MCC: variants seen among roughly 807,000 people sequenced by gnomAD.
MCC encodes the protein MCC regulator of Wnt signaling pathway.
Under a neutral mutation model 116.2 loss-of-function variants are expected in MCC, and 90 were observed. The ratio of observed to expected loss-of-function variants is 0.77; its 90% CI spans 0.65 to 0.92. The LOEUF (loss-of-function observed/expected upper bound fraction) is 0.92. Ranked by LOEUF, MCC falls within the 40% of genes least tolerant of loss-of-function variation. The pLI is 0.00. For missense variants in MCC, 1,516 were observed against 1,312.2 expected (o/e 1.16, Z -2.40); for synonymous variants, 578 against 510.5 (o/e 1.13, Z -1.78).
At chr5:113,132,447 C>CATATATAT (rs1201460802) in intron 5 of MCC, among the ~76,000 whole-genome samples, 1 of 27,618 alleles carries the variant, frequency 3.6e-5, no homozygotes, top group East Asian at 1.5e-3. Context: ...TATATATACA[C>CATATATAT]ACACACACAC....
At chr5:113,136,440 G>A (rs531291164) in intron 5 of MCC, among the ~76,000 whole-genome samples, 1 of 152,192 alleles carries the variant, frequency 6.6e-6, no homozygotes, top group Non-Finnish European at 1.5e-5. Context: ...CCTATAGGTA[G>A]AATTACTTGG....
intron 1 of MCC, among the ~76,000 whole-genome samples, chr5:113,479,537 A>G (rs1334921027): frequency 3.3e-5 from 5 of 150,964 alleles, no homozygotes; most frequent in African/African-American, 4.9e-5. Context: ...GTGAATGTTC[A>G]TAACGCCAAT....
chr5:113,466,108 A>G lies in MCC; in HGVS notation c.170+22137T>C, dbSNP rs115844130. Reference sequence around the variant, plus strand: ...ACAGTGTGAGCCATAGCTAGAGTCAATCTGGCTGGAAGCAAAGAAAGAGGC... The same window carrying G: ...ACAGTGTGAGCCATAGCTAGAGTCAGTCTGGCTGGAAGCAAAGAAAGAGGC... On this transcript the variant is annotated intron_variant, in intron 1 of 18. Coordinates refer to ENST00000408903, the MANE Select transcript of MCC (RefSeq NM_001085377.2). 3.5e-3 allele frequency among the ~76,000 whole-genome samples: 535 copies of G among 152,170 alleles called. 4 individuals carry two copies. The highest frequency in any genetic ancestry group is 0.012 in the African/African-American group (512 of 41,506).
At chr5:113,400,384 A>T (rs1219899504) in intron 1 of MCC, among the ~76,000 whole-genome samples, 1 of 151,788 alleles carries the variant, frequency 6.6e-6, no homozygotes, top group Non-Finnish European at 1.5e-5. Context: ...CGGCCTCCCA[A>T]AGTGCTGGGA....
rs80307769 is a variant in MCC, at chr5:113,429,767, T to C, written c.171-44555A>G. 8.3e-3 allele frequency among the ~76,000 whole-genome samples: 1,261 copies of C among 152,230 alleles called. 19 individuals are homozygous for C. Among genetic ancestry groups the C allele is most frequent in the African/African-American group, 0.029 (1,210 of 41,534 alleles). On this transcript the variant is annotated intron_variant, in intron 1 of 18. Coordinates refer to ENST00000408903, the MANE Select transcript of MCC (RefSeq NM_001085377.2). ...CCAGAGAAATTCTGAGGGCACTTCATATAGTGAGGAGAATTTGGAAATAAG... is the reference window on the plus strand; with the variant it reads ...CCAGAGAAATTCTGAGGGCACTTCACATAGTGAGGAGAATTTGGAAATAAG...
At chr5:113,039,895 C>T (rs1751582474) in intron 17 of MCC, among the ~76,000 whole-genome samples, 1 of 152,136 alleles carries the variant, frequency 6.6e-6, no homozygotes, top group Non-Finnish European at 1.5e-5. Flanking sequence ...CCTTATTTAG[C>T]TGCCTTTTTA....
intron 6 of MCC, among the ~76,000 whole-genome samples, chr5:113,113,290 G>T (rs190659187): frequency 3.2e-3 from 485 of 152,320 alleles, no homozygotes; most frequent in Middle Eastern, 0.014. Context: ...GAGGGCTGTT[G>T]CTTTCTTTTG....
intron 1 of MCC, among the ~76,000 whole-genome samples, chr5:113,449,788 C>A (rs746224956): frequency 2.6e-5 from 4 of 152,108 alleles, no homozygotes; most frequent in Non-Finnish European, 1.5e-5. Flanking sequence ...TCTCTTCGGG[C>A]ACATTTGTCT....
At chr5:113,410,325 T>A (rs1580342665) in intron 1 of MCC, among the ~76,000 whole-genome samples, 1 of 152,234 alleles carries the variant, frequency 6.6e-6, no homozygotes. Context: ...ATCCACAAGG[T>A]ATCCACTATA....
At chr5:113,468,260 A>C (rs1264730995) in intron 1 of MCC, among the ~76,000 whole-genome samples, 1 of 151,996 alleles carries the variant, frequency 6.6e-6, no homozygotes, top group Non-Finnish European at 1.5e-5. Flanking sequence ...GTCTTGTGCC[A>C]GTTTTCAAAG....
At chr5:113,459,633 T>G (rs1205914023) in intron 1 of MCC, among the ~76,000 whole-genome samples, 1 of 152,164 alleles carries the variant, frequency 6.6e-6, no homozygotes. Context: ...GCAATCCTGA[T>G]GGAAGGACCT....
chr5:113,434,235 A>C lies in MCC; in HGVS notation c.171-49023T>G. ...GACCATGATGTAGAGGATCACGCCT[A>C]GGCTCCAGATGTCGTACACCTTGGG... On this transcript the variant is annotated intron_variant, in intron 1 of 18. Coordinates refer to ENST00000408903, the MANE Select transcript of MCC (RefSeq NM_001085377.2). This position sits in a 1 kb window ranked among gnomAD's most constrained non-coding sequence, Gnocchi z 4.2. 6.2e-7 allele frequency: 1 copy of C among 1,614,078 alleles called. No homozygotes were observed. Among genetic ancestry groups the C allele is most frequent in the Non-Finnish European group, 8.5e-7 (1 of 1,179,958 alleles).
chr5:113,385,117 G>T lies in MCC; in HGVS notation c.266C>A (p.Ser89Tyr). The T allele has an allele frequency of 6.2e-7, 1 of 1,614,112 alleles. No homozygotes were observed. The highest frequency in any genetic ancestry group is 8.5e-7 in the Non-Finnish European group (1 of 1,180,020). ...GCGGCATCTTGTGAAATCCTGAAAG[G>T]AAATCTTCCCATTTTCATCTGCTCC... ...QLGADENGKI[S>Y]FQDFTRCRMQ... The change falls in exon 2 of 19, where the codon TCC becomes TAC. Residue 89 changes from serine to tyrosine, a missense_variant. By Grantham distance (144) the Ser-to-Tyr change is moderately radical. Coordinates refer to ENST00000408903, the MANE Select transcript of MCC (RefSeq NM_001085377.2).
intron 1 of MCC, among the ~76,000 whole-genome samples, chr5:113,453,797 T>A (rs1273559327): frequency 6.6e-6 from 1 of 152,172 alleles, no homozygotes; most frequent in African/African-American, 2.4e-5. Context: ...GTTTAAAAAA[T>A]GTACTCATAG....
intron 17 of MCC, among the ~76,000 whole-genome samples, chr5:113,029,917 A>G (rs1374588169): frequency 1.3e-5 from 2 of 152,224 alleles, no homozygotes; most frequent in Non-Finnish European, 2.9e-5. Context: ...GTTGGGTTCT[A>G]GAGTGGCAAG....
intron 1 of MCC, among the ~76,000 whole-genome samples, chr5:113,465,626 A>G (rs1771880433): frequency 6.6e-6 from 1 of 152,208 alleles, no homozygotes; most frequent in Non-Finnish European, 1.5e-5. Flanking sequence ...CTGACAAAAG[A>G]TTAGGATCTC....
intron 1 of MCC, among the ~76,000 whole-genome samples, chr5:113,457,617 TG>T (rs1392417029): frequency 9.8e-5 from 15 of 152,340 alleles, no homozygotes; most frequent in African/African-American, 3.6e-4. Flanking sequence ...TTGAGTCTGG[TG>T]GGGCCTTGGA....
intron 3 of MCC, among the ~76,000 whole-genome samples, chr5:113,218,993 A>AAG (rs1247437196): frequency 6.6e-6 from 1 of 152,234 alleles, no homozygotes; most frequent in Non-Finnish European, 1.5e-5. Context: ...AGTAAAGGTG[A>AAG]AGAGTCTAAA....
intron 3 of MCC, among the ~76,000 whole-genome samples, chr5:113,269,840 C>G (rs1033845569): frequency 1.3e-5 from 2 of 152,188 alleles, no homozygotes; most frequent in Admixed American, 6.5e-5. Context: ...TTATTTTTCT[C>G]TCACCACTGC....
Sources: allele counts gnomAD v4.1 joint callset (sites outside exome capture counted in the v4.1 genomes callset), GRCh38; gene constraint gnomAD v4.1.1; non-coding constraint Gnocchi (gnomAD v3.1); transcripts MANE v1.5; gene names NCBI Gene and HGNC (gene_info 2026-07-23, HGNC 2026-07-21).